RYR2: variants seen among roughly 807,000 people sequenced by gnomAD.
RYR2 encodes ryanodine receptor 2, also known as cardiac muscle ryanodine receptor-calcium release channel.
In RYR2, 227 loss-of-function variants were observed where a neutral mutation model predicts 601.1. The ratio of observed to expected loss-of-function variants is 0.38; its 90% CI spans 0.34 to 0.42. The LOEUF is 0.42. Among genes scored for constraint, RYR2 ranks in the 10% least tolerant of loss-of-function variants. The pLI, the probability that RYR2 is intolerant of heterozygous loss-of-function variation, is 1.00. For missense variants in RYR2, 4,646 were observed against 6,156.5 expected (o/e 0.75, Z 8.21); for synonymous variants, 2,223 against 2,175.1 (o/e 1.02, Z -0.61).
At chr1:237,065,592 C>T (rs1663499985) in intron 1 of RYR2, among the ~76,000 whole-genome samples, 1 of 152,018 alleles carries the variant, frequency 6.6e-6, no homozygotes, top group East Asian at 1.9e-4. Context: ...GCCTGCTATC[C>T]TTTTATAGTC....
At chr1:237,262,961 T>C (rs1269986244) in intron 1 of RYR2, among the ~76,000 whole-genome samples, 2 of 152,134 alleles carry the variant, frequency 1.3e-5, no homozygotes, top group African/African-American at 4.8e-5. Flanking sequence ...AAGAGTATAA[T>C]ATATGACTGA....
chr1:237,744,717 T>TG (rs1180096812), intron 80 of RYR2, among the ~76,000 whole-genome samples: 1 of 89,694 alleles, frequency 1.1e-5, no homozygotes, highest in Non-Finnish European at 2.6e-5. Context: ...GCCTTCTTTT[T>TG]TTAAAAAAAA....
At chr1:237,631,611 AG>A in intron 42 of RYR2, 70 bp downstream of exon 42, 1 of 292,578 alleles carries the variant, frequency 3.4e-6, no homozygotes, top group Non-Finnish European at 5.7e-6. Context: ...TATAGAATGC[AG>A]ATTTTTTTTT....
chr1:237,332,232 A>T (rs1183496446), intron 3 of RYR2, among the ~76,000 whole-genome samples: 1 of 152,192 alleles, frequency 6.6e-6, no homozygotes, highest in East Asian at 1.9e-4. Context: ...TGTAGTTTTT[A>T]AAATTTTAGT....
chr1:237,377,781 G>C (rs76415279), intron 8 of RYR2, among the ~76,000 whole-genome samples: 12,266 of 152,148 alleles, frequency 0.081, 527 homozygotes, highest in Middle Eastern at 0.092. Flanking sequence ...TGATGAAAAG[G>C]CTATATTAAT....
intron 79 of RYR2, among the ~76,000 whole-genome samples, chr1:237,738,769 A>T (rs1422708715): frequency 6.6e-6 from 1 of 152,026 alleles, no homozygotes; most frequent in Admixed American, 6.6e-5. Context: ...AGACTTTTGT[A>T]TCACCTCTGT....
chr1:237,346,944 T>C (rs1262911283), intron 3 of RYR2, among the ~76,000 whole-genome samples: 1 of 152,240 alleles, frequency 6.6e-6, no homozygotes, highest in Non-Finnish European at 1.5e-5. Flanking sequence ...ATTTTAAAAG[T>C]ACCTGGTCTG....
rs3056166 is a variant in RYR2, at chr1:237,047,389, C to CTTTTTTTTTT, written c.48+4828_48+4837dup. ...AAGATTGGAATCCATCCTTTCTAGC[C>CTTTTTTTTTT]TTTTTTTTTTTTTTTTTGCCTCCCT... On this transcript the variant is annotated intron_variant, in intron 1 of 104. Transcript: ENST00000366574. Among the ~76,000 whole-genome samples, 2 of 123,716 alleles carry CTTTTTTTTTT rather than the reference C, an allele frequency of 1.6e-5. 1 individual carries two copies. Among genetic ancestry groups the CTTTTTTTTTT allele is most frequent in the African/African-American group, 6.0e-5 (2 of 33,218 alleles). 81.2% of individuals were successfully genotyped at this position (123,716 alleles called of 152,430 possible).
intron 62 of RYR2, among the ~76,000 whole-genome samples, chr1:237,683,435 T>TTCAAAGTAAAGTAAGAC (rs1335492735): frequency 6.6e-6 from 1 of 152,122 alleles, no homozygotes; most frequent in Non-Finnish European, 1.5e-5. Flanking sequence ...GGCAGTAAGA[T>TTCAAAGTAAAGTAAGAC]GGGATTCAAA....
intron 70 of RYR2, among the ~76,000 whole-genome samples, chr1:237,710,217 A>G (rs1166477797): frequency 6.6e-6 from 1 of 152,208 alleles, no homozygotes; most frequent in Admixed American, 6.5e-5. Context: ...AATATAGATA[A>G]AAGAGCATTG....
chr1:237,487,007 G>A (rs1662753731), intron 17 of RYR2, among the ~76,000 whole-genome samples: 1 of 151,934 alleles, frequency 6.6e-6, no homozygotes, highest in African/African-American at 2.4e-5. Context: ...AAATTCAATT[G>A]TTTTGCATTA....
chr1:237,473,647 G>A (rs1265988554), intron 17 of RYR2, among the ~76,000 whole-genome samples: 2 of 152,014 alleles, frequency 1.3e-5, no homozygotes, highest in Non-Finnish European at 2.9e-5. Context: ...CTAGGAAGGA[G>A]CGGGGCAGTC....
At chr1:237,619,636 G>T (rs748241626) in intron 38 of RYR2, among the ~76,000 whole-genome samples, 1 of 152,028 alleles carries the variant, frequency 6.6e-6, no homozygotes, top group Non-Finnish European at 1.5e-5. Flanking sequence ...AGTACATTCC[G>T]TATAGGATAA....
chr1:237,508,975 C>T (rs1376375898), intron 23 of RYR2, among the ~76,000 whole-genome samples: 2 of 151,808 alleles, frequency 1.3e-5, no homozygotes, highest in Non-Finnish European at 2.9e-5. Flanking sequence ...ATCTCCTGAC[C>T]TCGTGATCCG....
Position 237,158,976 on chromosome 1 carries a change from C to A in RYR2, c.49-111521C>A, listed in dbSNP as rs955692434. ...TAAATCAACACACGGTAGTGTAAGT[C>A]ATCCACTGGTGTTAGAAAGTTATGA... On this transcript the variant is annotated intron_variant, in intron 1 of 104. Transcript: ENST00000366574. 2.0e-5 allele frequency among the ~76,000 whole-genome samples: 3 copies of A among 152,212 alleles called. No homozygotes were observed. The East Asian group carries it at 5.8e-4, about 29-fold the overall frequency.
At chr1:237,709,626 C>T (rs1278087948) in intron 70 of RYR2, 59 bp downstream of exon 70, 2 of 1,029,216 alleles carry the variant, frequency 1.9e-6, no homozygotes, top group African/African-American at 3.2e-5. Context: ...GCTTACTTGC[C>T]TCCTAGGTTT....
chr1:237,148,515 T>TAA (rs372359390), intron 1 of RYR2, among the ~76,000 whole-genome samples: 1,642 of 105,042 alleles, frequency 0.016, 82 homozygotes, highest in African/African-American at 0.065. Flanking sequence ...GAACTTCAAG[T>TAA]AAAAAAAAAA....
chr1:237,157,665 ATG>A (rs1490723438), intron 1 of RYR2, among the ~76,000 whole-genome samples: 1 of 152,202 alleles, frequency 6.6e-6, no homozygotes, highest in Admixed American at 6.5e-5. Context: ...ATTCTCATGC[ATG>A]TGTGGGAACT....
At chr1:237,322,569 T>A (rs1695724373) in intron 2 of RYR2, among the ~76,000 whole-genome samples, 1 of 152,172 alleles carries the variant, frequency 6.6e-6, no homozygotes, top group African/African-American at 2.4e-5. Context: ...AATATCCCTG[T>A]CACAGAACTC....
Sources: gnomAD v4.1 joint callset for allele counts (sites outside exome capture counted in the v4.1 genomes callset) on GRCh38, gnomAD v4.1.1 for gene constraint, MANE v1.5 for transcripts, NCBI Gene and HGNC (gene_info 2026-07-23, HGNC 2026-07-21) for gene names.